Variants in AP3B1 observed in about 807,000 individuals in gnomAD.
AP3B1 encodes AP-3 complex subunit beta-1.
A neutral mutation model predicts 132.5 loss-of-function variants in AP3B1; 61 were observed. That is an observed-to-expected ratio of 0.46 (90% CI 0.37 to 0.57). The LOEUF (loss-of-function observed/expected upper bound fraction) is 0.57. Ranked by LOEUF, AP3B1 falls within the 20% of genes least tolerant of loss-of-function variation. The pLI is 0.00. For missense variants in AP3B1, 1,120 were observed against 1,289.4 expected, an observed-to-expected ratio of 0.87 and a Z score of 2.01; for synonymous variants, 388 against 438.3, an observed-to-expected ratio of 0.89 and a Z score of 1.43.
chr5:78,195,725 C>A (rs1445355054), intron 7 of AP3B1, among the ~76,000 whole-genome samples: 1 of 152,098 alleles, frequency 6.6e-6, no homozygotes, highest in Non-Finnish European at 1.5e-5. Context: ...GAGGCTGAGG[C>A]AGGAGAATTG....
intron 19 of AP3B1, among the ~76,000 whole-genome samples, chr5:78,110,587 C>T (rs1489383779): frequency 6.6e-6 from 1 of 151,604 alleles, no homozygotes; most frequent in East Asian, 1.9e-4. Flanking sequence ...ATGTAGAAAA[C>T]ATTAAATGTT....
At chr5:78,077,521 A>G (rs1321095098) in intron 22 of AP3B1, among the ~76,000 whole-genome samples, 1 of 152,200 alleles carries the variant, frequency 6.6e-6, no homozygotes, top group Non-Finnish European at 1.5e-5. Context: ...TTAAGGAATC[A>G]TTACTACAAT....
Position 78,132,965 on chromosome 5 carries a change from A to C in AP3B1, c.1651-3658T>G, listed in dbSNP as rs151219638. The stretch of plus-strand genomic sequence containing the variant: ...AGACTTACACTATACAATAAATGAC[A>C]AAACTACTGTAGCAAGAGTGCTTTC... On this transcript the variant is annotated intron_variant, in intron 15 of 26. Coordinates refer to ENST00000255194, the MANE Select transcript of AP3B1 (RefSeq NM_003664.5). 3.3e-3 allele frequency among the ~76,000 whole-genome samples: 496 copies of C among 152,358 alleles called. 3 individuals carry two copies. Among genetic ancestry groups the C allele is most frequent in the African/African-American group, 0.011 (471 of 41,590 alleles).
At chr5:78,235,577 C>A (rs76184837) in intron 3 of AP3B1, among the ~76,000 whole-genome samples, 2,241 of 152,324 alleles carry the variant, frequency 0.015, 69 homozygotes, top group African/African-American at 0.049. Context: ...CACTGACAGG[C>A]TGCAGGTGTG....
chr5:78,263,980 A>G (rs956473660), intron 2 of AP3B1, among the ~76,000 whole-genome samples: 1 of 152,336 alleles, frequency 6.6e-6, no homozygotes, highest in South Asian at 2.1e-4. Context: ...TATTCAGTAC[A>G]GTAACATGCT....
intron 7 of AP3B1, among the ~76,000 whole-genome samples, chr5:78,186,256 G>A (rs574252339): frequency 2.4e-4 from 36 of 152,284 alleles, no homozygotes; most frequent in African/African-American, 8.4e-4. Context: ...ATTAATATGA[G>A]ATAAAGTACA....
intron 7 of AP3B1, among the ~76,000 whole-genome samples, chr5:78,190,663 G>A (rs990915576): frequency 1.3e-5 from 2 of 151,982 alleles, no homozygotes; most frequent in South Asian, 4.2e-4. Context: ...CCTTGTCTTG[G>A]TTTACTCATC....
intron 22 of AP3B1, among the ~76,000 whole-genome samples, chr5:78,044,999 G>C (rs570079580): frequency 6.6e-6 from 1 of 152,254 alleles, no homozygotes; most frequent in South Asian, 2.1e-4. Context: ...ATAATTCCCA[G>C]AGGTCTATGC....
At chr5:78,253,737 T>C (rs926127890) in intron 2 of AP3B1, among the ~76,000 whole-genome samples, 5 of 151,866 alleles carry the variant, frequency 3.3e-5, no homozygotes, top group Non-Finnish European at 7.4e-5. Flanking sequence ...GAGGCTGAGG[T>C]AGACGGATCA....
At chr5:78,285,488 C>A (rs1749235893) in intron 1 of AP3B1, among the ~76,000 whole-genome samples, 1 of 152,174 alleles carries the variant, frequency 6.6e-6, no homozygotes, top group Non-Finnish European at 1.5e-5. Context: ...TCTACACTCA[C>A]TTCCTCAGTG....
intron 16 of AP3B1, 88 bp from the exon 17 acceptor site, chr5:78,128,248 AT>A: frequency 6.8e-6 from 8 of 1,177,214 alleles, no homozygotes; most frequent in Non-Finnish European, 9.6e-6. Context: ...GGTAATTGGC[AT>A]ATTACCTCAA....
intron 26 of AP3B1, among the ~76,000 whole-genome samples, chr5:78,013,923 G>A (rs967020092): frequency 2.0e-5 from 3 of 152,164 alleles, no homozygotes; most frequent in Non-Finnish European, 4.4e-5. Flanking sequence ...CAGCACTTTG[G>A]GAGGCCGAGA....
At chr5:78,022,771 T>C (rs150263779) in intron 24 of AP3B1, among the ~76,000 whole-genome samples, 1 of 152,260 alleles carries the variant, frequency 6.6e-6, no homozygotes, top group East Asian at 1.9e-4. Flanking sequence ...GATACATCAG[T>C]TAGGAGTCTA....
intron 22 of AP3B1, among the ~76,000 whole-genome samples, chr5:78,066,846 A>AC (rs951237511): frequency 2.0e-5 from 3 of 152,104 alleles, no homozygotes; most frequent in African/African-American, 7.2e-5. Context: ...GAGAAGATCG[A>AC]CCCCAAGACA....
chr5:78,061,707 T>TG (rs1231933962), intron 22 of AP3B1, among the ~76,000 whole-genome samples: 1 of 152,220 alleles, frequency 6.6e-6, no homozygotes, highest in Non-Finnish European at 1.5e-5. Flanking sequence ...AACTGCATAT[T>TG]ATCACCCATT....
At chr5:78,019,242 T>C (rs1369607862) in intron 25 of AP3B1, among the ~76,000 whole-genome samples, 12 of 152,080 alleles carry the variant, frequency 7.9e-5, no homozygotes, top group African/African-American at 2.2e-4. Flanking sequence ...ACCTCTCTCA[T>C]GCACTTAAGG....
At chr5:78,022,967 T>C (rs1443425491) in intron 24 of AP3B1, among the ~76,000 whole-genome samples, 2 of 152,144 alleles carry the variant, frequency 1.3e-5, no homozygotes, top group Non-Finnish European at 2.9e-5. Context: ...GCACTGGGAT[T>C]TGAACCCAGG....
At chr5:78,169,731 A>G (rs1322579824) in intron 11 of AP3B1, among the ~76,000 whole-genome samples, 1 of 129,842 alleles carries the variant, frequency 7.7e-6, no homozygotes, top group Non-Finnish European at 1.6e-5. Flanking sequence ...CCAAGCCCTG[A>G]AGTTTATTTA....
At chr5:78,128,714 T>C (rs1453027198) in intron 16 of AP3B1, among the ~76,000 whole-genome samples, 1 of 152,094 alleles carries the variant, frequency 6.6e-6, no homozygotes, top group Non-Finnish European at 1.5e-5. Context: ...GGGATACTTT[T>C]TATAAAATAA....
Sources: gnomAD v4.1 joint callset for allele counts (sites outside exome capture counted in the v4.1 genomes callset) on GRCh38, gnomAD v4.1.1 for gene constraint, MANE v1.5 for transcripts, NCBI Gene and HGNC (gene_info 2026-07-23, HGNC 2026-07-21) for gene names.